The following RBFOX1 variants were observed in gnomAD, a reference collection of about 807,000 sequenced individuals.
RBFOX1 encodes RNA binding fox-1 homolog 1.
A neutral mutation model predicts 57.7 loss-of-function variants in RBFOX1; 8 were observed. The ratio of observed to expected loss-of-function variants is 0.14; its 90% CI spans 0.08 to 0.25. RBFOX1 has a LOEUF of 0.25. Among genes scored for constraint, RBFOX1 ranks in the 10% least tolerant of loss-of-function variants. The pLI is 1.00. For missense variants in RBFOX1, 611 were observed against 548.5 expected (o/e 1.11, Z -1.14); for synonymous variants, 326 against 222.4 (o/e 1.47, Z -4.15).
rs1172169967 is a variant in RBFOX1 at position 6,101,779 on chromosome 16, T to C, written c.-127+81787T>C. ...GTACTAAAAATATAAATTATTTTTA[T>C]TGTCCTGGAACACTCCTACCCCTGC... On this transcript the variant is annotated intron_variant, in intron 1 of 15. Transcript: ENST00000550418. 2.0e-5 allele frequency among the ~76,000 whole-genome samples: 3 copies of C among 152,194 alleles called. No homozygotes were observed. In the East Asian group the frequency reaches 5.8e-4, roughly 29 times the overall value.
At chr16:6,674,630 C>G (rs146545240) in intron 3 of RBFOX1, among the ~76,000 whole-genome samples, 1 of 152,118 alleles carries the variant, frequency 6.6e-6, no homozygotes, top group Admixed American at 6.5e-5. Flanking sequence ...CCCGAATGGG[C>G]TCTTATAAGA....
rs967050903 is a variant in RBFOX1 at position 7,712,773 on chromosome 16, G to C, written c.*2028G>C. On this transcript the variant is annotated 3_prime_UTR_variant, in exon 16 of 16. Coordinates refer to ENST00000550418, the MANE Select transcript of RBFOX1 (RefSeq NM_018723.4). ...TAAAACACTATGACATCCTCCAGAG[G>C]GAAGAAAGAGTAGGAGCAGGGGGCT... The C allele has an allele frequency of 6.6e-6, 1 of 152,156 alleles. No homozygotes were observed. The highest frequency in any genetic ancestry group is 1.5e-5 in the Non-Finnish European group (1 of 68,036). 9.4% of individuals were successfully genotyped at this position (152,156 alleles called of 1,614,324 possible).
intron 2 of RBFOX1, among the ~76,000 whole-genome samples, chr16:6,464,782 T>A (rs1276781223): frequency 6.6e-6 from 1 of 152,230 alleles, no homozygotes; most frequent in Non-Finnish European, 1.5e-5. Flanking sequence ...CATTAATCAC[T>A]TGGCTGAATG....
chr16:5,877,462 A>G (rs553859988), intron 4 of RBFOX1, among the ~76,000 whole-genome samples: 1 of 152,260 alleles, frequency 6.6e-6, no homozygotes, highest in Non-Finnish European at 1.5e-5. Context: ...CTCTCCCAGG[A>G]AGCCTGGCTT....
intron 3 of RBFOX1, among the ~76,000 whole-genome samples, chr16:5,662,770 A>T (rs1337915039): frequency 6.6e-6 from 1 of 152,210 alleles, no homozygotes; most frequent in Non-Finnish European, 1.5e-5. Flanking sequence ...GAAACTGAAG[A>T]CAATCGGGTT....
chr16:6,956,648 G>A (rs1171944463), intron 3 of RBFOX1, among the ~76,000 whole-genome samples: 1 of 152,210 alleles, frequency 6.6e-6, no homozygotes, highest in African/African-American at 2.4e-5. Context: ...CCTGCTATTT[G>A]TGGCTGATGT....
chr16:6,192,988 T>C (rs192785669), intron 1 of RBFOX1, among the ~76,000 whole-genome samples: 2 of 152,254 alleles, frequency 1.3e-5, no homozygotes, highest in East Asian at 3.9e-4. Flanking sequence ...CCTGAAAAAG[T>C]CCCATTCATC....
At chr16:5,421,485 G>C (rs1045764357) in intron 1 of RBFOX1, among the ~76,000 whole-genome samples, 2 of 152,152 alleles carry the variant, frequency 1.3e-5, no homozygotes, top group Non-Finnish European at 1.5e-5. Flanking sequence ...TTCCAGTAGA[G>C]AGAATGGGGT....
At chr16:6,892,072 T>C (rs148479496) in intron 3 of RBFOX1, among the ~76,000 whole-genome samples, 2 of 152,154 alleles carry the variant, frequency 1.3e-5, no homozygotes, top group Non-Finnish European at 2.9e-5. Context: ...GTGGATGACA[T>C]AGATCCCATT....
Position 5,512,068 on chromosome 16 carries a change from G to T in RBFOX1, c.258+44814G>T, listed in dbSNP as rs140344094. On this transcript the variant is annotated intron_variant, in intron 2 of 2. Transcript: ENST00000585867. ...ATTGCATGCAAGATGGATGCACACG[G>T]TGGCAATGGGGTGATATGTCTTGTC... 1.5e-3 allele frequency among the ~76,000 whole-genome samples: 221 copies of T among 152,348 alleles called. 1 individual carries two copies. Among genetic ancestry groups the T allele is most frequent in the African/African-American group, 4.9e-3 (204 of 41,578 alleles).
intron 4 of RBFOX1, among the ~76,000 whole-genome samples, chr16:7,145,140 G>A (rs4786139): frequency 0.74 from 113,255 of 152,144 alleles, 42,282 homozygotes; most frequent in Middle Eastern, 0.81. Flanking sequence ...TGGTTTTGCT[G>A]CAAGCAGGGG....
chr16:5,603,296 A>G (rs1445562938), downstream of RBFOX1, among the ~76,000 whole-genome samples: 1 of 152,206 alleles, frequency 6.6e-6, no homozygotes, highest in African/African-American at 2.4e-5. Flanking sequence ...TTCTCTACCC[A>G]GAGTAGTCCA....
At chr16:5,431,804 C>G (rs2067745245) in intron 1 of RBFOX1, among the ~76,000 whole-genome samples, 1 of 152,150 alleles carries the variant, frequency 6.6e-6, no homozygotes. Flanking sequence ...GCCTCTAAGT[C>G]CCTCACAACA....
At chr16:6,859,846 T>C (rs1056624690) in intron 3 of RBFOX1, among the ~76,000 whole-genome samples, 1 of 152,208 alleles carries the variant, frequency 6.6e-6, no homozygotes, top group East Asian at 1.9e-4. Context: ...AATCACACTT[T>C]TGAGTATTCA....
intron 13 of RBFOX1, among the ~76,000 whole-genome samples, chr16:7,674,575 T>C (rs1374214218): frequency 6.6e-6 from 1 of 152,134 alleles, no homozygotes; most frequent in African/African-American, 2.4e-5. Context: ...TTCTAGATAA[T>C]AAAGTCATAA....
At chr16:5,394,134 C>T (rs1001073469) in intron 1 of RBFOX1, among the ~76,000 whole-genome samples, 1 of 152,128 alleles carries the variant, frequency 6.6e-6, no homozygotes, top group Non-Finnish European at 1.5e-5. Flanking sequence ...AGCAGTTCTT[C>T]TGCCTCAGCC....
intron 3 of RBFOX1, among the ~76,000 whole-genome samples, chr16:5,795,218 C>G (rs547904505): frequency 6.6e-6 from 1 of 152,256 alleles, no homozygotes; most frequent in Non-Finnish European, 1.5e-5. Flanking sequence ...TCATATCCCC[C>G]CTCTCCCTAT....
intron 4 of RBFOX1, among the ~76,000 whole-genome samples, chr16:7,070,193 G>A (rs1598653636): frequency 6.6e-6 from 1 of 152,338 alleles, no homozygotes; most frequent in South Asian, 2.1e-4. Flanking sequence ...AGCGATCAGA[G>A]CACGAGGTTT....
chr16:6,937,722 T>C (rs558374734), intron 3 of RBFOX1, among the ~76,000 whole-genome samples: 1 of 152,214 alleles, frequency 6.6e-6, no homozygotes, highest in African/African-American at 2.4e-5. Context: ...TAGAAAAGAA[T>C]GTCTGGGTTA....
Sources: allele counts gnomAD v4.1 joint callset (sites outside exome capture counted in the v4.1 genomes callset), GRCh38; gene constraint gnomAD v4.1.1; transcripts MANE v1.5; gene names NCBI Gene and HGNC (gene_info 2026-07-23, HGNC 2026-07-21).